FGF13: variants seen among roughly 807,000 people sequenced by gnomAD.
FGF13 encodes the protein fibroblast growth factor homologous factor 2.
FGF13 carries 2 observed loss-of-function variants against 19.5 expected under a neutral mutation model. The ratio of observed to expected loss-of-function variants is 0.10; its 90% CI spans 0.04 to 0.32. The LOEUF is 0.32. Among genes scored for constraint, FGF13 ranks in the 10% least tolerant of loss-of-function variants. FGF13 has a pLI of 1.00. For missense variants in FGF13, 113 were observed against 192.7 expected (o/e 0.59, Z 2.45); for synonymous variants, 72 against 76.9 (o/e 0.94, Z 0.33).
chrX:138,945,110 C>T (rs1052584340), intron 1 of FGF13, among the ~76,000 whole-genome samples: 1 of 110,440 alleles, frequency 9.1e-6, no homozygotes, highest in African/African-American at 3.3e-5. Flanking sequence ...AGTGCAACTA[C>T]AAGGAGCAGC....
At chrX:138,681,035 G>A (rs778925963) in intron 3 of FGF13, among the ~76,000 whole-genome samples, 6 of 109,126 alleles carry the variant, frequency 5.5e-5, no homozygotes, top group Admixed American at 2.0e-4. Flanking sequence ...TTAGCCTGGC[G>A]TGGTGGCAGG....
chrX:139,078,994 TC>T (rs759481094), intron 1 of FGF13, among the ~76,000 whole-genome samples: 1 of 112,662 alleles, frequency 8.9e-6, no homozygotes, highest in South Asian at 3.7e-4. Flanking sequence ...TAAAGCAAGT[TC>T]ACAGCAGGCA....
At chrX:139,111,183 A>C (rs1238004811) in intron 1 of FGF13, among the ~76,000 whole-genome samples, 1 of 112,310 alleles carries the variant, frequency 8.9e-6, no homozygotes, top group Non-Finnish European at 1.9e-5. Flanking sequence ...GAACAGCCAG[A>C]TCAGGTATAT....
downstream of FGF13, among the ~76,000 whole-genome samples, chrX:138,856,009 T>A (rs186751172): frequency 0.02 from 2,147 of 108,433 alleles, 62 homozygotes; most frequent in African/African-American, 0.068. Flanking sequence ...ATTTTTAGAG[T>A]AAAGAAAGCA....
chrX:138,787,359 G>A lies in FGF13; in HGVS notation c.217+70153C>T, dbSNP rs949141467. ...CAGCTATAACAAATTACCAGAGGCT[G>A]GATGGCTTAAAAACAAGCATTTATT... On this transcript the variant is annotated intron_variant, in intron 3 of 6. Transcript: ENST00000436198. 2.7e-5 allele frequency among the ~76,000 whole-genome samples: 3 copies of A among 111,549 alleles called. No homozygotes were observed. The Admixed American group carries it at 2.9e-4, about 11-fold the overall frequency.
At position 138,809,094 on chromosome X, in the gene FGF13, A is replaced by T. The variant is rs752918507; in HGVS notation, c.217+48418T>A. 4.5e-5 allele frequency among the ~76,000 whole-genome samples: 5 copies of T among 112,148 alleles called. No individual in the cohort carries two copies. The South Asian group carries it at 1.5e-3, about 33-fold the overall frequency. ...GAGGGAATCCTCCCTAACTCATTTT[A>T]TGAGGCCAGCATCATCCTGATACCA... On this transcript the variant is annotated intron_variant, in intron 3 of 6. Coordinates refer to the FGF13 transcript ENST00000436198.
At chrX:139,135,657 T>C (rs753043885) in intron 1 of FGF13, among the ~76,000 whole-genome samples, 1 of 112,071 alleles carries the variant, frequency 8.9e-6, no homozygotes, top group South Asian at 3.7e-4. Flanking sequence ...CAAATATCTA[T>C]ACAACCTTAG....
intron 1 of FGF13, among the ~76,000 whole-genome samples, chrX:139,077,375 C>T (rs1322687265): frequency 8.9e-6 from 1 of 111,775 alleles, no homozygotes; most frequent in African/African-American, 3.2e-5. Context: ...AAATAAAATT[C>T]GCCTTTGAAT....
chrX:138,864,897 T>C (rs1474331789), intron 1 of FGF13, among the ~76,000 whole-genome samples: 2 of 111,859 alleles, frequency 1.8e-5, no homozygotes, highest in Non-Finnish European at 3.8e-5. Flanking sequence ...GGTTCAAGTC[T>C]TATAGCTTTA....
At chrX:139,182,301 G>A (rs1471397967) in intron 1 of FGF13, among the ~76,000 whole-genome samples, 1 of 111,841 alleles carries the variant, frequency 8.9e-6, no homozygotes, top group Non-Finnish European at 1.9e-5. Context: ...GCAATCTTAG[G>A]TAGTACCCTG....
chrX:138,758,190 C>T (rs191651411), intron 3 of FGF13, among the ~76,000 whole-genome samples: 9 of 111,432 alleles, frequency 8.1e-5, no homozygotes, highest in Non-Finnish European at 1.3e-4. Flanking sequence ...CCCATCTGAG[C>T]TCAGGGAACC....
At chrX:138,824,417 C>T (rs182457928) in intron 3 of FGF13, among the ~76,000 whole-genome samples, 23 of 111,420 alleles carry the variant, frequency 2.1e-4, no homozygotes, top group African/African-American at 5.9e-4. Context: ...ACTTCAGTGG[C>T]AAAGCTGTAT....
intron 1 of FGF13, among the ~76,000 whole-genome samples, chrX:139,087,036 C>T (rs956017546): frequency 8.9e-6 from 1 of 112,914 alleles, no homozygotes; most frequent in Admixed American, 9.3e-5. Flanking sequence ...GTGGCTCACG[C>T]CTGTAATCCC....
At chrX:138,771,858 C>A (rs2090547261) in intron 3 of FGF13, among the ~76,000 whole-genome samples, 1 of 109,100 alleles carries the variant, frequency 9.2e-6, no homozygotes, top group African/African-American at 3.3e-5. Flanking sequence ...AGAGTGCCTT[C>A]ATTTTTGCTG....
At chrX:138,844,661 C>A (rs1000129229) in intron 3 of FGF13, among the ~76,000 whole-genome samples, 2 of 111,660 alleles carry the variant, frequency 1.8e-5, no homozygotes, top group African/African-American at 6.5e-5. Context: ...CCTTGGCTTC[C>A]TTAGACCTCA....
chrX:138,853,812 T>A (rs960163359), downstream of FGF13, among the ~76,000 whole-genome samples: 8 of 111,540 alleles, frequency 7.2e-5, no homozygotes, highest in African/African-American at 2.6e-4. Context: ...TGGGAATCCA[T>A]GATTTATTTT....
chrX:138,733,394 C>T (rs933062085), intron 1 of FGF13, among the ~76,000 whole-genome samples: 2 of 111,846 alleles, frequency 1.8e-5, no homozygotes, highest in Non-Finnish European at 3.8e-5. Context: ...CATAAACACA[C>T]ATGCCTGGGA....
At chrX:138,851,552 T>C (rs989017203) in intron 3 of FGF13, among the ~76,000 whole-genome samples, 2 of 111,720 alleles carry the variant, frequency 1.8e-5, no homozygotes, top group Non-Finnish European at 3.8e-5. Flanking sequence ...AAACTAGTTA[T>C]GGAAGGAACA....
At chrX:138,982,150 G>A (rs2091966425) in intron 1 of FGF13, among the ~76,000 whole-genome samples, 1 of 111,440 alleles carries the variant, frequency 9.0e-6, no homozygotes, top group Non-Finnish European at 1.9e-5. Context: ...CAGGAATGCA[G>A]GTGTGACCAG....
Sources: allele counts gnomAD v4.1 joint callset (sites outside exome capture counted in the v4.1 genomes callset), GRCh38; gene constraint gnomAD v4.1.1; transcripts MANE v1.5; gene names NCBI Gene and HGNC (gene_info 2026-07-23, HGNC 2026-07-21).